The following RUBCN variants were observed in gnomAD, a reference collection of about 807,000 sequenced individuals.
The protein encoded by RUBCN is run domain Beclin-1-interacting and cysteine-rich domain-containing protein.
In RUBCN, 74 loss-of-function variants were observed where a neutral mutation model predicts 113.2. The ratio of observed to expected loss-of-function variants is 0.65; its 90% confidence interval spans 0.54 to 0.79. RUBCN has a LOEUF of 0.79. Among genes scored for constraint, RUBCN ranks in the 30% least tolerant of loss-of-function variants. The pLI, the probability that RUBCN is intolerant of heterozygous loss-of-function variation, is 0.00. For synonymous variants in RUBCN, 480 were observed against 490.0 expected, an observed-to-expected ratio of 0.98 and a Z score of 0.27; for missense variants, 1,109 against 1,251.7, an observed-to-expected ratio of 0.89 and a Z score of 1.72.
At chr3:197,730,452 G>A (rs1024880348) in intron 1 of RUBCN, among the ~76,000 whole-genome samples, 1 of 152,078 alleles carries the variant, frequency 6.6e-6, no homozygotes. Context: ...GTAACCTGTA[G>A]AATAGTCTAC....
At chr3:197,694,335 G>C (rs779180017) in intron 10 of RUBCN, 40 bp downstream of exon 10, 1 of 1,586,814 alleles carries the variant, frequency 6.3e-7, no homozygotes, top group Non-Finnish European at 8.7e-7. Context: ...GCTGAAGTTG[G>C]GAAAATGTGG....
chr3:197,722,999 C>G lies in RUBCN; in HGVS notation c.66-4869G>C, dbSNP rs934450162. Among the ~76,000 whole-genome samples, 5 of 151,966 alleles carry G rather than the reference C, an allele frequency of 3.3e-5. No individual in the cohort carries two copies. In the South Asian group the frequency reaches 8.3e-4, roughly 25 times the overall value. ...ATAAGTAAGGTCTGTTACTTGTTTT[C>G]TAGTTTTTTTACAGTTCCTTTCTTT... On this transcript the variant is annotated intron_variant, in intron 1 of 19. Transcript: ENST00000296343.
In RUBCN at chr3:197,676,615, C is replaced by G; in HGVS notation, c.2646+270G>C. 2.2e-6 allele frequency: 3 copies of G among 1,335,882 alleles called. No homozygotes were observed. In the East Asian group the frequency reaches 9.8e-5, roughly 44 times the overall value. The allele number at this position is 1,335,882 out of a possible 1,614,324, so 82.8% of individuals were successfully genotyped here. On this transcript the variant is annotated intron_variant, in intron 18 of 19. Coordinates refer to ENST00000296343, the MANE Select transcript of RUBCN (RefSeq NM_014687.4). The stretch of plus-strand genomic sequence containing the variant: ...GGCCTAAGCCACCGTGCCTGGCCAA[C>G]ACTTCTTGAGTGAAAGTCTACTCGG...
chr3:197,679,117 TC>T (rs1720860742), intron 16 of RUBCN, among the ~76,000 whole-genome samples: 1 of 148,450 alleles, frequency 6.7e-6, no homozygotes, highest in Non-Finnish European at 1.5e-5. Context: ...CTTCAGACTG[TC>T]CTATGCTCTG....
chr3:197,717,352 G>A (rs1252053453), intron 2 of RUBCN, among the ~76,000 whole-genome samples: 5 of 150,344 alleles, frequency 3.3e-5, no homozygotes, highest in African/African-American at 9.8e-5. Flanking sequence ...GCTGAGCCAG[G>A]AGAATGCTGT....
intron 18 of RUBCN, 177 bp downstream of exon 18, chr3:197,676,708 C>G: frequency 6.8e-7 from 1 of 1,468,218 alleles, no homozygotes; most frequent in Non-Finnish European, 9.0e-7. Flanking sequence ...TTCTTTAGAT[C>G]AGGATGATTT....
Position 197,669,950 on chromosome 3 carries a change from G to A in RUBCN, c.*5068C>T, listed in dbSNP as rs933952347. Among the ~76,000 whole-genome samples the A allele has an allele frequency of 6.6e-6, 1 of 152,142 alleles. No homozygotes were observed. The highest frequency in any genetic ancestry group is 6.5e-5 in the Admixed American group (1 of 15,270). ...GTTGCCCAGGGTGGAGTGCAGTGGC[G>A]TGATCTCGGCTCACTGCAACCTCCG... is the stretch of plus-strand genomic sequence containing the variant. On this transcript the variant is annotated 3_prime_UTR_variant, in exon 20 of 20. Transcript: ENST00000296343.
chr3:197,698,689 A>AT (rs1284271596), intron 7 of RUBCN, among the ~76,000 whole-genome samples: 2 of 152,044 alleles, frequency 1.3e-5, no homozygotes, highest in Non-Finnish European at 2.9e-5. Flanking sequence ...CATAGGAAGT[A>AT]TTCAGTTATA....
intron 6 of RUBCN, among the ~76,000 whole-genome samples, 159 bp downstream of exon 6, chr3:197,701,549 T>C (rs567410149): frequency 9.8e-5 from 15 of 152,328 alleles, no homozygotes; most frequent in Non-Finnish European, 2.2e-4. Context: ...TCTACTGAAT[T>C]ATTTCAAGCT....
At chr3:197,676,652 G>C in intron 18 of RUBCN, 1 of 1,400,928 alleles carries the variant, frequency 7.1e-7, no homozygotes, top group Non-Finnish European at 9.3e-7. Flanking sequence ...CTTGCCCGGA[G>C]CTACCCAGGA....
In RUBCN at chr3:197,684,158, A is replaced by G. The variant is rs1205182242; in HGVS notation, c.1846T>C (p.Phe616Leu). The change falls in exon 12 of 20, where the codon TTC (phenylalanine) becomes CTC (leucine). Residue 616 changes from phenylalanine (F) to leucine (L), a missense_variant and splice_region_variant. By Grantham distance (22) the Phe-to-Leu change is conservative. This residue lies in a region of RUBCN where 67 missense variants were observed against 123.2 expected (regional missense o/e 0.54). Coordinates refer to ENST00000296343, the MANE Select transcript of RUBCN (RefSeq NM_014687.4). ...TTTTTGGTAAAAAAAAGTACTCACAAGGACTGGGAGGAAACGAAGGATTTG... is the reference window on the plus strand; with the variant it reads ...TTTTTGGTAAAAAAAAGTACTCACAGGGACTGGGAGGAAACGAAGGATTTG... ...SSKSFVSSQS[F>L]SHCFLHSTSA... 18 of 1,608,230 alleles carry G rather than the reference A, an allele frequency of 1.1e-5. No individual in the cohort carries two copies. Among genetic ancestry groups the G allele is most frequent in the Non-Finnish European group, 1.5e-5 (18 of 1,174,780 alleles).
At position 197,683,473 on chromosome 3, in the gene RUBCN, A is replaced by G; in HGVS notation, c.1848-34T>C. The G allele has an allele frequency of 1.2e-6, 2 of 1,612,820 alleles. No individual in the cohort carries two copies. The highest frequency in any genetic ancestry group is 1.7e-6 in the Non-Finnish European group (2 of 1,179,716). ...GGGAGAATCAAGGACGGCTGAACAC[A>G]GGGAAAGGATGGGCGATGCGAGGCT... On this transcript the variant is annotated intron_variant, in intron 12 of 19. Transcript: ENST00000296343. This position sits in a 1 kb window ranked among gnomAD's most constrained non-coding sequence, Gnocchi z 4.6.
chr3:197,690,765 T>A (rs369500782), intron 11 of RUBCN, among the ~76,000 whole-genome samples: 5 of 152,362 alleles, frequency 3.3e-5, no homozygotes, highest in African/African-American at 1.2e-4. Flanking sequence ...TAACTATTCC[T>A]TTCTAAACTG....
intron 16 of RUBCN, 42 bp from the exon 17 acceptor site, chr3:197,677,583 G>C: frequency 2.5e-6 from 4 of 1,585,196 alleles, no homozygotes; most frequent in Non-Finnish European, 3.5e-6. Context: ...AGGGAGATGT[G>C]AGAAGAGGAA....
intron 1 of RUBCN, among the ~76,000 whole-genome samples, chr3:197,747,136 G>A (rs920352765): frequency 2.6e-5 from 4 of 151,854 alleles, no homozygotes; most frequent in Non-Finnish European, 4.4e-5. Context: ...TGTGTGTCTC[G>A]GGTTGCTATT....
At chr3:197,719,256 C>T (rs1222616123) in intron 1 of RUBCN, among the ~76,000 whole-genome samples, 1 of 152,086 alleles carries the variant, frequency 6.6e-6, no homozygotes, top group African/African-American at 2.4e-5. Context: ...GCGGGTGGAT[C>T]ACCTGAGGTC....
In RUBCN at chr3:197,722,743, T is replaced by C. The variant is rs540794283; in HGVS notation, c.66-4613A>G. Among the ~76,000 whole-genome samples, 39 of 152,212 alleles carry C rather than the reference T, an allele frequency of 2.6e-4. No individual in the cohort carries two copies. In the South Asian group the frequency reaches 8.1e-3, roughly 32 times the overall value. ...ATTGACTCTTTTCACAACTTTGGAT[T>C]TGAAGTCTATTTTCTCTGATATAAG... On this transcript the variant is annotated intron_variant, in intron 1 of 19. Coordinates refer to ENST00000296343, the MANE Select transcript of RUBCN (RefSeq NM_014687.4).
intron 11 of RUBCN, chr3:197,691,107 C>T (rs760665551): frequency 2.2e-5 from 28 of 1,289,486 alleles, no homozygotes; most frequent in South Asian, 1.6e-4. Context: ...ACTGACAGTC[C>T]GTTCTTTGAT....
At position 197,669,194 on chromosome 3, in the gene RUBCN, T is replaced by C. The variant is rs1470069579; in HGVS notation, c.*5824A>G. On this transcript the variant is annotated 3_prime_UTR_variant, in exon 20 of 20. Coordinates refer to ENST00000296343, the MANE Select transcript of RUBCN (RefSeq NM_014687.4). ...TCTTACATTACTGTAGTACTGGACA[T>C]TTCCCAAAACTAAGGAACCAACATT... is the stretch of plus-strand genomic sequence containing the variant. Among the ~76,000 whole-genome samples, 2 of 152,338 alleles carry C rather than the reference T, an allele frequency of 1.3e-5. No individual in the cohort carries two copies. The highest frequency in any genetic ancestry group is 2.4e-5 in the African/African-American group (1 of 41,574).
Sources: allele counts gnomAD v4.1 joint callset (sites outside exome capture counted in the v4.1 genomes callset), GRCh38; gene constraint gnomAD v4.1.1; regional missense constraint gnomAD v4.1.1; non-coding constraint Gnocchi (gnomAD v3.1); transcripts MANE v1.5; gene names NCBI Gene and HGNC (gene_info 2026-07-23, HGNC 2026-07-21).